RNF4: variants seen among roughly 807,000 people sequenced by gnomAD.
The protein encoded by RNF4 is ring finger protein 4.
In RNF4, 7 loss-of-function variants were observed where a neutral mutation model predicts 24.3. That is an observed-to-expected ratio of 0.29 (90% CI 0.16 to 0.54). The LOEUF is 0.54. Among genes scored for constraint, RNF4 ranks in the 20% least tolerant of loss-of-function variants. The probability of loss-of-function intolerance (pLI) is 0.95; values close to 1 mark genes in which losing one functional copy is unlikely to be tolerated. For synonymous variants in RNF4, 83 were observed against 84.3 expected (o/e 0.98, Z 0.09); for missense variants, 209 against 248.5 (o/e 0.84, Z 1.07).
intron 1 of RNF4, among the ~76,000 whole-genome samples, chr4:2,487,982 G>A (rs890503239): frequency 6.6e-6 from 1 of 152,064 alleles, no homozygotes; most frequent in Non-Finnish European, 1.5e-5. Flanking sequence ...ACCTACTCTG[G>A]CCTCCCTTTC....
chr4:2,474,981 T>G (rs1434238768), intron 1 of RNF4, among the ~76,000 whole-genome samples: 1 of 152,010 alleles, frequency 6.6e-6, no homozygotes, highest in African/African-American at 2.4e-5. Context: ...GAGCCAAGAT[T>G]GCGCCGTTGT....
Position 2,512,791 on chromosome 4 carries a change from C to T in RNF4, c.374+194C>T, listed in dbSNP as rs572831587. ...CCCACTGTAACCAGAGGATGCCAAG[C>T]GCTGACACAGTGTGTGCAGACAGTC... On this transcript the variant is annotated intron_variant, in intron 6 of 7. Transcript: ENST00000314289. The surrounding 1 kb of genome is among the most constrained non-coding windows in gnomAD (Gnocchi z 4.1). Among the ~76,000 whole-genome samples the T allele has an allele frequency of 4.8e-4, 73 of 152,300 alleles. No homozygotes were observed. Among genetic ancestry groups the T allele is most frequent in the African/African-American group, 1.4e-3 (58 of 41,564 alleles).
chr4:2,509,745 A>G, intron 4 of RNF4, among the ~76,000 whole-genome samples: 1 of 152,130 alleles, frequency 6.6e-6, no homozygotes, highest in Non-Finnish European at 1.5e-5. Flanking sequence ...TATGACTCAC[A>G]AGAGACCATA....
intron 1 of RNF4, among the ~76,000 whole-genome samples, chr4:2,476,716 T>A (rs1735087904): frequency 6.6e-6 from 1 of 151,494 alleles, no homozygotes; most frequent in Non-Finnish European, 1.5e-5. Context: ...TTTTTTTTTT[T>A]TTTTAATTTA....
intron 4 of RNF4, among the ~76,000 whole-genome samples, chr4:2,508,950 T>C (rs1435557789): frequency 8.3e-6 from 1 of 120,484 alleles, no homozygotes; most frequent in Non-Finnish European, 1.7e-5. Context: ...TAAAGACAGT[T>C]TCACTATTGT....
intron 1 of RNF4, chr4:2,481,310 A>G (rs181328423): frequency 2.6e-4 from 40 of 152,324 alleles, no homozygotes; most frequent in African/African-American, 8.4e-4. Context: ...GTCACTGACA[A>G]CATTTTTCAG....
At chr4:2,474,036 G>A (rs914927839) in intron 1 of RNF4, among the ~76,000 whole-genome samples, 3 of 147,906 alleles carry the variant, frequency 2.0e-5, no homozygotes, top group South Asian at 4.4e-4. Flanking sequence ...AGCCAAGATC[G>A]GGCCACTGCA....
chr4:2,501,887 A>G (rs1735921120), intron 4 of RNF4, among the ~76,000 whole-genome samples: 1 of 152,308 alleles, frequency 6.6e-6, no homozygotes, highest in Admixed American at 6.5e-5. Context: ...GAATAGGGTT[A>G]TACTGAGAAG....
chr4:2,513,405 C>T (rs1425571147), intron 7 of RNF4, among the ~76,000 whole-genome samples: 1 of 152,210 alleles, frequency 6.6e-6, no homozygotes, highest in Non-Finnish European at 1.5e-5. Flanking sequence ...CTGGCTCTAA[C>T]TGAAAGCTGC....
At chr4:2,487,361 T>C (rs1431719615) in intron 1 of RNF4, among the ~76,000 whole-genome samples, 2 of 152,118 alleles carry the variant, frequency 1.3e-5, no homozygotes, top group Non-Finnish European at 2.9e-5. Context: ...TCTTGGCTCA[T>C]TGCAACCTCC....
At chr4:2,511,884 AATGGCTTCGTTT>A in intron 4 of RNF4, 60 bp from the exon 5 acceptor site, 4 of 1,493,308 alleles carry the variant, frequency 2.7e-6, no homozygotes, top group Non-Finnish European at 3.7e-6. Flanking sequence ...AGAAAAAAGA[AATGGCTTCGTTT>A]ATCACTTATA....
chr4:2,496,726 T>C (rs1012088197), intron 2 of RNF4, among the ~76,000 whole-genome samples: 5 of 152,170 alleles, frequency 3.3e-5, no homozygotes, highest in Non-Finnish European at 7.4e-5. Context: ...CCGAAAGTGC[T>C]GGGATTACAG....
intron 1 of RNF4, among the ~76,000 whole-genome samples, chr4:2,484,999 CG>C (rs1735363433): frequency 6.6e-6 from 1 of 152,170 alleles, no homozygotes; most frequent in African/African-American, 2.4e-5. Context: ...TAGGAACCCT[CG>C]GCACCTTTGT....
At chr4:2,494,745 TGAAAAAG>T (rs1219409510) in intron 2 of RNF4, 3 of 152,580 alleles carry the variant, frequency 2.0e-5, no homozygotes, top group Non-Finnish European at 4.4e-5. Context: ...TGTGGAATGC[TGAAAAAG>T]GTAAAAATAA....
intron 1 of RNF4, among the ~76,000 whole-genome samples, chr4:2,478,814 C>G (rs1735161572): frequency 6.6e-6 from 1 of 152,230 alleles, no homozygotes. Context: ...TTGGAGCCCC[C>G]AAGCAGAGTC....
intron 1 of RNF4, among the ~76,000 whole-genome samples, chr4:2,482,797 C>T (rs1218037812): frequency 6.6e-6 from 1 of 152,180 alleles, no homozygotes; most frequent in Non-Finnish European, 1.5e-5. Flanking sequence ...TCAGGGGAGG[C>T]CAATGTTCAA....
Position 2,489,497 on chromosome 4 carries a change from C to A in RNF4, c.-157-840C>A, listed in dbSNP as rs185315739. On this transcript the variant is annotated intron_variant, in intron 1 of 7. Coordinates refer to ENST00000314289, the MANE Select transcript of RNF4 (RefSeq NM_002938.5). ...GGTCTCTGGAAGCAGCACCTGGGAA[C>A]TTGTTAGATACGTAAATTGGAGGGC... Among the ~76,000 whole-genome samples, 3 of 152,272 alleles carry A rather than the reference C, an allele frequency of 2.0e-5. No individual in the cohort carries two copies. The East Asian group carries it at 5.8e-4, about 29-fold the overall frequency.
intron 3 of RNF4, among the ~76,000 whole-genome samples, chr4:2,499,710 C>G (rs549482992): frequency 3.7e-4 from 57 of 152,280 alleles, no homozygotes; most frequent in African/African-American, 1.3e-3. Context: ...ATCCTGTGCA[C>G]ATGTAGACAT....
chr4:2,482,811 C>G (rs1324414071), intron 1 of RNF4, among the ~76,000 whole-genome samples: 1 of 151,906 alleles, frequency 6.6e-6, no homozygotes, highest in Non-Finnish European at 1.5e-5. Flanking sequence ...TGTTCAAGGC[C>G]CCTGAGCCTT....
Sources: allele counts gnomAD v4.1 joint callset (sites outside exome capture counted in the v4.1 genomes callset), GRCh38; gene constraint gnomAD v4.1.1; non-coding constraint Gnocchi (gnomAD v3.1); transcripts MANE v1.5; gene names NCBI Gene and HGNC (gene_info 2026-07-23, HGNC 2026-07-21).